The following PTPRT variants were observed in gnomAD, a reference collection of about 807,000 sequenced individuals.
The protein encoded by PTPRT is receptor-type tyrosine-protein phosphatase T.
Under a neutral mutation model 176.8 loss-of-function variants are expected in PTPRT, and 56 were observed. That is an observed-to-expected ratio of 0.32 (90% CI 0.26 to 0.40). The LOEUF is 0.40. Ranked by LOEUF, PTPRT falls within the 10% of genes least tolerant of loss-of-function variation. The probability of loss-of-function intolerance (pLI) is 1.00; values close to 1 mark genes in which losing one functional copy is unlikely to be tolerated. For synonymous variants in PTPRT, 783 were observed against 739.0 expected (o/e 1.06, Z -0.96); for missense variants, 1,540 against 1,908.2 (o/e 0.81, Z 3.60).
At chr20:42,161,867 G>A (rs911397115) in intron 16 of PTPRT, among the ~76,000 whole-genome samples, 1 of 152,144 alleles carries the variant, frequency 6.6e-6, no homozygotes, top group South Asian at 2.1e-4. Context: ...AGCTAGGCAG[G>A]CTATTTATTG....
intron 6 of PTPRT, among the ~76,000 whole-genome samples, chr20:42,712,916 T>G (rs1056733366): frequency 1.3e-5 from 2 of 152,112 alleles, no homozygotes; most frequent in African/African-American, 4.8e-5. Flanking sequence ...TAAATGATGG[T>G]GCGTGCATAC....
At chr20:42,950,286 T>C (rs1442024141) in intron 1 of PTPRT, among the ~76,000 whole-genome samples, 2 of 152,342 alleles carry the variant, frequency 1.3e-5, no homozygotes, top group East Asian at 3.9e-4. Flanking sequence ...AGAAGCACTG[T>C]AGTAAAGTGA....
rs117713682 is a variant in PTPRT, at chr20:42,933,730, C to T, written c.89-47798G>A. On this transcript the variant is annotated intron_variant, in intron 1 of 30. Coordinates refer to ENST00000373187, the MANE Select transcript of PTPRT (RefSeq NM_007050.6). The stretch of plus-strand genomic sequence containing the variant: ...TCAGCAAGGTTCCTGTCAAAGCATC[C>T]CTCTTTTTGTTGATTTACTTTAAAA... Among the ~76,000 whole-genome samples, 331 of 152,278 alleles carry T rather than the reference C, an allele frequency of 2.2e-3. 1 individual carries two copies. The highest frequency in any genetic ancestry group is 3.7e-3 in the Non-Finnish European group (254 of 68,020).
intron 7 of PTPRT, among the ~76,000 whole-genome samples, chr20:42,515,602 T>C (rs890000302): frequency 6.6e-6 from 1 of 152,236 alleles, no homozygotes. Flanking sequence ...AGAAATGCAA[T>C]GACTTTCTTG....
chr20:42,698,994 G>A (rs1017414513), intron 6 of PTPRT, among the ~76,000 whole-genome samples: 4 of 152,154 alleles, frequency 2.6e-5, no homozygotes, highest in African/African-American at 9.7e-5. Context: ...AACTAACAAC[G>A]ATGTAGTAAT....
chr20:43,047,213 T>C (rs1035937497), intron 1 of PTPRT, among the ~76,000 whole-genome samples: 1 of 152,198 alleles, frequency 6.6e-6, no homozygotes, highest in Non-Finnish European at 1.5e-5. Flanking sequence ...GTGCTGCGCT[T>C]GAGCTCAGCA....
At chr20:42,101,006 T>C (rs1448749366) in intron 26 of PTPRT, among the ~76,000 whole-genome samples, 1 of 152,200 alleles carries the variant, frequency 6.6e-6, no homozygotes, top group Non-Finnish European at 1.5e-5. Context: ...TCAAGAGGAT[T>C]AGAGGTCAGA....
chr20:42,554,818 G>A (rs2072831998), intron 7 of PTPRT, among the ~76,000 whole-genome samples: 1 of 152,092 alleles, frequency 6.6e-6, no homozygotes, highest in African/African-American at 2.4e-5. Context: ...ATTGAATGTT[G>A]GAAACAGAGC....
intron 13 of PTPRT, among the ~76,000 whole-genome samples, chr20:42,267,271 G>C (rs1288672017): frequency 6.6e-6 from 1 of 152,168 alleles, no homozygotes; most frequent in Non-Finnish European, 1.5e-5. Flanking sequence ...AGTGTTTTGA[G>C]CATGGCACAT....
chr20:42,056,811 G>A, the PTPRT span, among the ~76,000 whole-genome samples: 2 of 152,224 alleles, frequency 1.3e-5, no homozygotes, highest in Non-Finnish European at 2.9e-5. Flanking sequence ...GCTGTCTTAG[G>A]CAAACTAAGA....
chr20:42,199,480 C>G, intron 15 of PTPRT, 92 bp from the exon 16 acceptor site: 1 of 1,385,276 alleles, frequency 7.2e-7, no homozygotes, highest in Non-Finnish European at 9.8e-7. Context: ...AATGCTCATC[C>G]TCAACCCCCA....
At chr20:43,011,013 C>T (rs1985089351) in intron 1 of PTPRT, among the ~76,000 whole-genome samples, 1 of 152,188 alleles carries the variant, frequency 6.6e-6, no homozygotes, top group South Asian at 2.1e-4. Flanking sequence ...TGCTGTCTCC[C>T]CAGGCCTTGA....
intron 17 of PTPRT, among the ~76,000 whole-genome samples, chr20:42,148,191 T>G (rs1332206331): frequency 6.6e-6 from 1 of 152,000 alleles, no homozygotes; most frequent in Non-Finnish European, 1.5e-5. Context: ...CTGGGCCCTA[T>G]TTTTACATTC....
At chr20:43,078,425 AT>A (rs1016351466) in intron 1 of PTPRT, among the ~76,000 whole-genome samples, 2 of 151,920 alleles carry the variant, frequency 1.3e-5, no homozygotes, top group Non-Finnish European at 2.9e-5. Context: ...CATCCAGGTG[AT>A]TTTTTTTCTC....
chr20:42,722,797 C>T (rs532614466), intron 6 of PTPRT, among the ~76,000 whole-genome samples: 12 of 152,316 alleles, frequency 7.9e-5, no homozygotes, highest in South Asian at 2.1e-4. Context: ...TAAAAGGCCA[C>T]GCATGGCCAA....
chr20:42,182,907 G>GTGTGT (rs1555797577), intron 16 of PTPRT, among the ~76,000 whole-genome samples: 5 of 144,708 alleles, frequency 3.5e-5, no homozygotes, highest in South Asian at 4.6e-4. Context: ...TACAAGCAGG[G>GTGTGT]GTGTGTGTGT....
At chr20:42,631,068 C>G (rs552692817) in intron 7 of PTPRT, among the ~76,000 whole-genome samples, 1 of 152,186 alleles carries the variant, frequency 6.6e-6, no homozygotes, top group African/African-American at 2.4e-5. Context: ...TGAACAAACT[C>G]TCAGATATAT....
At position 42,349,490 on chromosome 20, in the gene PTPRT, G is replaced by C. The variant is rs1232855823; in HGVS notation, c.1865+1138C>G. On this transcript the variant is annotated intron_variant, in intron 11 of 30. Coordinates refer to ENST00000373187, the MANE Select transcript of PTPRT (RefSeq NM_007050.6). Reference sequence around the variant, plus strand: ...CACACTGTACTGTAATTATGTTTCTGTCTCCCCAACTAGAGTTTGACTTTC... The same window carrying C: ...CACACTGTACTGTAATTATGTTTCTCTCTCCCCAACTAGAGTTTGACTTTC... 2.0e-5 allele frequency among the ~76,000 whole-genome samples: 3 copies of C among 152,264 alleles called. No individual in the cohort carries two copies. In the East Asian group the frequency reaches 5.8e-4, roughly 29 times the overall value.
At chr20:42,845,572 G>C (rs1370951206) in intron 2 of PTPRT, among the ~76,000 whole-genome samples, 1 of 152,124 alleles carries the variant, frequency 6.6e-6, no homozygotes, top group Non-Finnish European at 1.5e-5. Flanking sequence ...TCTCCTTGTT[G>C]AGAGGGCACA....
Sources: allele counts gnomAD v4.1 joint callset (sites outside exome capture counted in the v4.1 genomes callset), GRCh38; gene constraint gnomAD v4.1.1; transcripts MANE v1.5; gene names NCBI Gene and HGNC (gene_info 2026-07-23, HGNC 2026-07-21).